CDC25A: variants seen among roughly 807,000 people sequenced by gnomAD.
The protein encoded by CDC25A is M-phase inducer phosphatase 1.
In CDC25A, 17 loss-of-function variants were observed where a neutral mutation model predicts 64.6. That is an observed-to-expected ratio of 0.26 (90% CI 0.18 to 0.39). CDC25A has a LOEUF of 0.39. CDC25A is among the 10% of genes least tolerant of loss of function. CDC25A has a pLI of 1.00. For synonymous variants in CDC25A, 229 were observed against 238.6 expected (o/e 0.96, Z 0.37); for missense variants, 473 against 654.8 (o/e 0.72, Z 3.03).
intron 9 of CDC25A, among the ~76,000 whole-genome samples, 171 bp from the exon 10 acceptor site, chr3:48,168,115 G>A (rs1199670702): frequency 6.7e-6 from 1 of 148,630 alleles, no homozygotes; most frequent in African/African-American, 2.5e-5. Flanking sequence ...GTGGGTTATT[G>A]ACTAGGTCTC....
intron 13 of CDC25A, among the ~76,000 whole-genome samples, chr3:48,163,392 G>A (rs2031870745): frequency 6.6e-6 from 1 of 151,784 alleles, no homozygotes; most frequent in Admixed American, 6.6e-5. Context: ...ATCACCTAAG[G>A]TCGGGAGTTC....
At chr3:48,179,152 G>C (rs543437404) in intron 6 of CDC25A, among the ~76,000 whole-genome samples, 3 of 152,122 alleles carry the variant, frequency 2.0e-5, no homozygotes, top group Non-Finnish European at 4.4e-5. Flanking sequence ...TCCTCCCCAA[G>C]TGCACACTCT....
chr3:48,163,283 CAAAAAAAAAAAA>C (rs753999679), intron 13 of CDC25A, among the ~76,000 whole-genome samples: 2 of 90,310 alleles, frequency 2.2e-5, no homozygotes, highest in Non-Finnish European at 4.7e-5. Flanking sequence ...GCCTCCGCCT[CAAAAAAAAAAAA>C]AAAAAAGAAA....
intron 9 of CDC25A, among the ~76,000 whole-genome samples, chr3:48,172,681 T>C (rs1284456871): frequency 6.6e-6 from 1 of 152,160 alleles, no homozygotes; most frequent in Non-Finnish European, 1.5e-5. Context: ...CTGCGCAACA[T>C]GGCGAAAGCC....
chr3:48,166,141 C>T (rs887698428), intron 10 of CDC25A, among the ~76,000 whole-genome samples: 9 of 151,990 alleles, frequency 5.9e-5, no homozygotes, highest in Admixed American at 1.3e-4. Context: ...AAAAATTAGC[C>T]GGGCGTTAGC....
intron 6 of CDC25A, 22 bp downstream of exon 6, chr3:48,180,699 C>A (rs371529299): frequency 6.2e-7 from 1 of 1,610,116 alleles, no homozygotes; most frequent in Admixed American, 1.7e-5. Flanking sequence ...AGGAATTCCC[C>A]TATGAAAGCC....
chr3:48,181,574 C>T (rs888936259), intron 5 of CDC25A: 41 of 1,561,160 alleles, frequency 2.6e-5, no homozygotes, highest in Non-Finnish European at 3.3e-5. Flanking sequence ...TCAGATTGTG[C>T]GGGACCACTG....
At chr3:48,162,753 C>A (rs2106689969) in intron 13 of CDC25A, among the ~76,000 whole-genome samples, 1 of 151,820 alleles carries the variant, frequency 6.6e-6, no homozygotes, top group Middle Eastern at 3.4e-3. Context: ...GAGGCTGAGG[C>A]AGGAGAATGG....
At chr3:48,174,533 A>C in intron 8 of CDC25A, 76 bp from the exon 9 acceptor site, 1 of 1,405,464 alleles carries the variant, frequency 7.1e-7, no homozygotes, top group Non-Finnish European at 9.8e-7. Flanking sequence ...AATAAACCGA[A>C]GGTTTCCTGG....
At chr3:48,176,758 G>A (rs919691216) in intron 8 of CDC25A, among the ~76,000 whole-genome samples, 12 of 151,640 alleles carry the variant, frequency 7.9e-5, no homozygotes, top group Admixed American at 7.9e-4. Context: ...ATCACCTGAG[G>A]TCAGGAGATC....
intron 13 of CDC25A, among the ~76,000 whole-genome samples, chr3:48,162,578 T>C (rs941735246): frequency 6.6e-6 from 1 of 151,552 alleles, no homozygotes; most frequent in South Asian, 2.1e-4. Flanking sequence ...TCAGGCGCAG[T>C]GGCTCACGCC....
At position 48,182,518 on chromosome 3, in the gene CDC25A, T is replaced by C. The variant is rs1467951764; in HGVS notation, c.429+411A>G. 2.6e-5 allele frequency among the ~76,000 whole-genome samples: 4 copies of C among 152,146 alleles called. No individual in the cohort carries two copies. The South Asian group carries it at 8.3e-4, about 31-fold the overall frequency. On this transcript the variant is annotated intron_variant, in intron 5 of 14. Transcript: ENST00000302506. ...CAAATACTGCCAAAGAGCCTTTTCC[T>C]AAGCTTACAATTCATTTCAGGGTCA...
Position 48,187,806 on chromosome 3 carries a change from T to C in CDC25A, c.142A>G (p.Thr48Ala). ...CCCAGACCCTGCAGCTGGTCCATAG[T>C]GACGGTCAGGTTGGTGACAGGCGAC... ...GLSPVTNLTV[T>A]MDQLQGLGSD... The change falls in exon 1 of 15, where the codon ACT (threonine) becomes GCT (alanine). Residue 48 changes from threonine to alanine, a missense_variant. Coordinates refer to ENST00000302506, the MANE Select transcript of CDC25A (RefSeq NM_001789.3). 2 of 1,548,350 alleles carry C rather than the reference T, an allele frequency of 1.3e-6. 1 individual carries two copies. Among genetic ancestry groups the C allele is most frequent in the Middle Eastern group, 3.4e-4 (2 of 5,950 alleles).
chr3:48,165,918 G>C (rs757597909), intron 10 of CDC25A, 25 bp from the exon 11 acceptor site: 3 of 1,442,124 alleles, frequency 2.1e-6, no homozygotes, highest in Non-Finnish European at 2.9e-6. Flanking sequence ...AAGATACTTA[G>C]AGAATCTGAA....
At chr3:48,186,628 A>G (rs1228321415) in intron 2 of CDC25A, 75 bp downstream of exon 2, 1 of 964,450 alleles carries the variant, frequency 1.0e-6, no homozygotes, top group Non-Finnish European at 1.6e-6. Context: ...GTTCTCACCA[A>G]AACTAACCTC....
chr3:48,170,364 T>C (rs1397721665), intron 9 of CDC25A, among the ~76,000 whole-genome samples: 2 of 152,208 alleles, frequency 1.3e-5, no homozygotes, highest in Non-Finnish European at 2.9e-5. Context: ...CAGCTTTAAG[T>C]AGGGGTTCCC....
At chr3:48,170,587 A>T (rs983143768) in intron 9 of CDC25A, among the ~76,000 whole-genome samples, 1 of 151,984 alleles carries the variant, frequency 6.6e-6, no homozygotes, top group African/African-American at 2.4e-5. Flanking sequence ...AGCTCTCTGA[A>T]CCCTGTCCTT....
intron 8 of CDC25A, among the ~76,000 whole-genome samples, chr3:48,175,963 G>A (rs1164629392): frequency 6.6e-6 from 1 of 152,090 alleles, no homozygotes; most frequent in Non-Finnish European, 1.5e-5. Flanking sequence ...TCAAGAGTTC[G>A]AGACCAGCCT....
intron 8 of CDC25A, among the ~76,000 whole-genome samples, chr3:48,176,571 A>T (rs1307615706): frequency 6.1e-5 from 9 of 146,768 alleles, no homozygotes; most frequent in Non-Finnish European, 1.0e-4. Context: ...AATATATATT[A>T]TATATAATTT....
Sources: gnomAD v4.1 joint callset for allele counts (sites outside exome capture counted in the v4.1 genomes callset) on GRCh38, gnomAD v4.1.1 for gene constraint, MANE v1.5 for transcripts, NCBI Gene and HGNC (gene_info 2026-07-23, HGNC 2026-07-21) for gene names.